Variants in TRPV1 observed in about 807,000 individuals in gnomAD.
TRPV1 encodes OTRPC1.
A neutral mutation model predicts 82.3 loss-of-function variants in TRPV1; 82 were observed. The observed-to-expected ratio is 1.00, with a 90% CI of 0.83 to 1.20. The LOEUF is 1.20. Among genes scored for constraint, TRPV1 ranks in the 50% most tolerant of loss-of-function variants. The pLI, the probability that TRPV1 is intolerant of heterozygous loss-of-function variation, is 0.00. For missense variants in TRPV1, 1,067 were observed against 1,096.8 expected (o/e 0.97, Z 0.38); for synonymous variants, 515 against 467.7 (o/e 1.10, Z -1.30).
chr17:3,596,534 T>A (rs945619095), intron 2 of TRPV1, among the ~76,000 whole-genome samples: 5 of 151,982 alleles, frequency 3.3e-5, no homozygotes, highest in African/African-American at 1.2e-4. Flanking sequence ...GCTCGTCCAC[T>A]CCACAGAGAG....
chr17:3,580,325 C>G, intron 11 of TRPV1, 132 bp downstream of exon 11: 1 of 900,370 alleles, frequency 1.1e-6, no homozygotes, highest in Non-Finnish European at 1.8e-6. Flanking sequence ...GTATTCAGTG[C>G]CTTCCGTCAT....
intron 11 of TRPV1, chr17:3,578,293 GCGAGACT>G (rs1326202656): frequency 6.6e-6 from 1 of 151,768 alleles, no homozygotes; most frequent in Non-Finnish European, 1.5e-5. Context: ...GGGAGACAGA[GCGAGACT>G]CCGTCTCAAA....
chr17:3,574,509 A>G (rs1408199650), intron 13 of TRPV1, among the ~76,000 whole-genome samples: 1 of 152,098 alleles, frequency 6.6e-6, no homozygotes, highest in Admixed American at 6.6e-5. Flanking sequence ...GCCCACACCT[A>G]TTAGGTCTCT....
intron 7 of TRPV1, chr17:3,588,826 A>AG (rs201774093): frequency 7.8e-7 from 1 of 1,276,006 alleles, no homozygotes; most frequent in East Asian, 2.6e-5. Context: ...AAAAAAAAAA[A>AG]AAAACAAAAC....
At chr17:3,581,716 C>G (rs2075014233) in intron 10 of TRPV1, among the ~76,000 whole-genome samples, 1 of 148,556 alleles carries the variant, frequency 6.7e-6, no homozygotes, top group Non-Finnish European at 1.5e-5. Flanking sequence ...GAAACCCCGT[C>G]TCTACTAAAA....
At chr17:3,581,868 A>G (rs224526) in intron 10 of TRPV1, among the ~76,000 whole-genome samples, 132,161 of 137,828 alleles carry the variant, frequency 0.96, 63,536 homozygotes, top group East Asian at 1. Context: ...CTGGGCAACT[A>G]AGCGAGACTC....
intron 10 of TRPV1, 82 bp downstream of exon 10, chr17:3,583,256 A>G (rs1257496971): frequency 1.6e-6 from 2 of 1,234,832 alleles, no homozygotes; most frequent in Non-Finnish European, 2.3e-6. Flanking sequence ...GATGAATTAA[A>G]AAGTGAGTGA....
At chr17:3,578,409 C>G (rs2074962183) in intron 11 of TRPV1, among the ~76,000 whole-genome samples, 1 of 152,144 alleles carries the variant, frequency 6.6e-6, no homozygotes, top group Non-Finnish European at 1.5e-5. Flanking sequence ...CCTGTCATCC[C>G]AGAACTTTGG....
intron 9 of TRPV1, 81 bp from the exon 10 acceptor site, chr17:3,583,511 G>C (rs2075047270): frequency 2.5e-6 from 3 of 1,180,460 alleles, no homozygotes; most frequent in Non-Finnish European, 3.7e-6. Context: ...TGAAGCCATA[G>C]TCCCTGCCCA....
intron 8 of TRPV1, among the ~76,000 whole-genome samples, chr17:3,587,076 G>C (rs1382866747): frequency 6.6e-6 from 1 of 152,164 alleles, no homozygotes; most frequent in Non-Finnish European, 1.5e-5. Flanking sequence ...CACACTCCTT[G>C]TCCCTGAGAG....
At chr17:3,571,745 T>C in intron 15 of TRPV1, 106 bp from the exon 16 acceptor site, 2 of 875,710 alleles carry the variant, frequency 2.3e-6, no homozygotes, top group South Asian at 3.1e-5. Context: ...AGGATGGAGA[T>C]GTGGTGGGTC....
At position 3,590,266 on chromosome 17, in the gene TRPV1, G is replaced by A. The variant is rs761035568; in HGVS notation, c.731C>T (p.Pro244Leu). ...TGTCTCCCTACCGAAGTAGAATCCA[G>A]GCCGCCCTTTGGTTTTCTTAAAGAA... ...GDFFKKTKGR[P>L]GFYFGELPLS... The change falls in exon 6 of 17, where the codon CCT becomes CTT. Residue 244 changes from proline to leucine, a missense_variant. Coordinates refer to ENST00000572705, the MANE Select transcript of TRPV1 (RefSeq NM_080704.4). 2 of 1,613,942 alleles carry A rather than the reference G, an allele frequency of 1.2e-6. No individual in the cohort carries two copies. Among genetic ancestry groups the A allele is most frequent in the South Asian group, 1.1e-5 (1 of 91,082 alleles).
At chr17:3,584,384 CAG>C (rs896825707) in intron 9 of TRPV1, among the ~76,000 whole-genome samples, 17 of 112,588 alleles carry the variant, frequency 1.5e-4, no homozygotes, top group African/African-American at 5.3e-4. Flanking sequence ...GCCTGGAAAA[CAG>C]AGAGAGACTC....
At chr17:3,577,814 G>A in intron 11 of TRPV1, 51 bp from the exon 12 acceptor site, 2 of 1,539,632 alleles carry the variant, frequency 1.3e-6, no homozygotes. Flanking sequence ...AGGAGGCCTG[G>A]CACCCCCAGA....
chr17:3,581,704 G>T (rs1467082154), intron 10 of TRPV1, among the ~76,000 whole-genome samples: 3 of 150,572 alleles, frequency 2.0e-5, no homozygotes, highest in Non-Finnish European at 4.4e-5. Flanking sequence ...GGTTAACATG[G>T]TGAAACCCCG....
At position 3,576,668 on chromosome 17, in the gene TRPV1, A is replaced by AAAAAAAAAAAAATATATATAT; in HGVS notation, c.1780+457_1780+458insATATATATATTTTTTTTTTTT. ...CTCTGTATGAGAAAAAAAAAAAAAA[A>AAAAAAAAAAAAATATATATAT]ATATATATATATATATATATATGCA... On this transcript the variant is annotated intron_variant, in intron 13 of 16. Transcript: ENST00000572705. Among the ~76,000 whole-genome samples the AAAAAAAAAAAAATATATATAT allele has an allele frequency of 1.9e-3, 73 of 38,346 alleles. 1 individual carries two copies. The highest frequency in any genetic ancestry group is 3.2e-3 in the Non-Finnish European group (61 of 18,972). 25.2% of individuals were successfully genotyped at this position (38,346 alleles called of 152,430 possible).
intron 16 of TRPV1, among the ~76,000 whole-genome samples, chr17:3,571,097 G>A (rs1038041124): frequency 7.9e-5 from 12 of 152,146 alleles, no homozygotes; most frequent in African/African-American, 2.7e-4. Flanking sequence ...ATGTGTCCAT[G>A]AGTGACAAGT....
At chr17:3,580,554 C>G in intron 10 of TRPV1, 27 bp from the exon 11 acceptor site, 1 of 1,613,044 alleles carries the variant, frequency 6.2e-7, no homozygotes, top group Non-Finnish European at 8.5e-7. Flanking sequence ...AGAGTAAGAT[C>G]CCAGGCAATG....
intron 7 of TRPV1, chr17:3,589,069 T>C: frequency 9.4e-7 from 1 of 1,067,338 alleles, no homozygotes. Context: ...AAGGATCACT[T>C]GAGGCCAAGA....
Sources: gnomAD v4.1 joint callset for allele counts (sites outside exome capture counted in the v4.1 genomes callset) on GRCh38, gnomAD v4.1.1 for gene constraint, MANE v1.5 for transcripts, NCBI Gene and HGNC (gene_info 2026-07-23, HGNC 2026-07-21) for gene names.